Variants in HIVEP1 observed in about 807,000 individuals in gnomAD.
HIVEP1 encodes zinc finger protein 40.
In HIVEP1, 36 loss-of-function variants were observed where a neutral mutation model predicts 180.0. The ratio of observed to expected loss-of-function variants is 0.20; its 90% confidence interval spans 0.15 to 0.26. HIVEP1 has a LOEUF of 0.26. Among genes scored for constraint, HIVEP1 ranks in the 10% least tolerant of loss-of-function variants. The probability of loss-of-function intolerance (pLI) is 1.00; values close to 1 mark genes in which losing one functional copy is unlikely to be tolerated. For missense variants in HIVEP1, 3,143 were observed against 3,268.7 expected, an observed-to-expected ratio of 0.96 and a Z score of 0.94; for synonymous variants, 1,239 against 1,239.0, an observed-to-expected ratio of 1.00 and a Z score of 0.00.
chr6:12,036,839 C>T (rs1010305476), intron 2 of HIVEP1, among the ~76,000 whole-genome samples: 3 of 152,188 alleles, frequency 2.0e-5, no homozygotes, highest in East Asian at 1.9e-4. Context: ...ACCCGGGAGG[C>T]GGAGGCTGCA....
At chr6:12,192,967 T>C in the HIVEP1 span, among the ~76,000 whole-genome samples, 2 of 152,152 alleles carry the variant, frequency 1.3e-5, no homozygotes, top group Admixed American at 6.5e-5. Flanking sequence ...CATCTGCCAC[T>C]TAGAAGCTGT....
intron 7 of HIVEP1, 52 bp from the exon 8 acceptor site, chr6:12,161,387 C>G (rs541703041): frequency 1.3e-6 from 2 of 1,543,340 alleles, no homozygotes; most frequent in Non-Finnish European, 1.7e-6. Flanking sequence ...TAAAATAGCA[C>G]TTGTGCACTT....
chr6:12,048,520 T>C (rs1211314792), intron 2 of HIVEP1, among the ~76,000 whole-genome samples: 1 of 152,234 alleles, frequency 6.6e-6, no homozygotes, highest in Non-Finnish European at 1.5e-5. Flanking sequence ...TATTTTTTAG[T>C]AATCAAGATT....
In HIVEP1 at chr6:12,122,858, C is replaced by G. The variant is rs1382774807; in HGVS notation, c.3063C>G (p.Ile1021Met). Reference protein sequence around the residue: ...LHYRVAGSSGIWEQTPQIRKR... With the variant: ...LHYRVAGSSGMWEQTPQIRKR... ...ACAGAGTCGCTGGGTCCTCCGGCAT[C>G]TGGGAACAGACGCCCCAGATAAGAA... The change falls in exon 4 of 9, where the codon ATC (isoleucine) becomes ATG (methionine). Residue 1021 changes from isoleucine to methionine, a missense_variant. Ile to Met is a conservative substitution (Grantham distance 10, BLOSUM62 1). Around this residue, in one of 12 missense-constraint regions of HIVEP1, gnomAD observed 1,357 missense variants for 1,260.5 expected, o/e 1.08. Coordinates refer to ENST00000379388, the MANE Select transcript of HIVEP1 (RefSeq NM_002114.4). 5.0e-6 allele frequency: 8 copies of G among 1,614,134 alleles called. No individual in the cohort carries two copies. Among genetic ancestry groups the G allele is most frequent in the Non-Finnish European group, 6.8e-6 (8 of 1,180,026 alleles).
At chr6:12,136,961 T>C (rs938642561) in intron 7 of HIVEP1, among the ~76,000 whole-genome samples, 2 of 152,254 alleles carry the variant, frequency 1.3e-5, no homozygotes, top group Non-Finnish European at 2.9e-5. Context: ...TATATTTTTC[T>C]TAACATGTAT....
At chr6:12,183,993 A>G in the HIVEP1 span, among the ~76,000 whole-genome samples, 633 of 137,100 alleles carry the variant, frequency 4.6e-3, no homozygotes, top group African/African-American at 0.019. Flanking sequence ...AGATAGATAG[A>G]TAGATAGATA....
intron 2 of HIVEP1, among the ~76,000 whole-genome samples, chr6:12,076,157 C>T (rs9380756): frequency 0.69 from 104,340 of 151,970 alleles, 35,894 homozygotes; most frequent in East Asian, 0.8. Flanking sequence ...TAGAAATATG[C>T]TTCATTAAAG....
intron 7 of HIVEP1, among the ~76,000 whole-genome samples, chr6:12,137,675 A>C (rs555234869): frequency 6.6e-6 from 1 of 151,966 alleles, no homozygotes; most frequent in Admixed American, 6.6e-5. Flanking sequence ...GAGTTTTGCC[A>C]AGTGCTGTGT....
chr6:12,183,974 AAGATAGATAGAT>A, the HIVEP1 span, among the ~76,000 whole-genome samples: 683 of 134,870 alleles, frequency 5.1e-3, 5 homozygotes, highest in Middle Eastern at 0.011. Context: ...TCACATTGTA[AAGATAGATAGAT>A]AGATAGATAG....
intron 3 of HIVEP1, among the ~76,000 whole-genome samples, chr6:12,105,021 G>A (rs926339672): frequency 2.6e-5 from 4 of 152,070 alleles, no homozygotes; most frequent in African/African-American, 9.7e-5. Context: ...AATATATGAT[G>A]GACATTTTAT....
chr6:12,030,498 A>G (rs576491467), intron 2 of HIVEP1, among the ~76,000 whole-genome samples: 2 of 152,098 alleles, frequency 1.3e-5, no homozygotes, highest in East Asian at 3.9e-4. Context: ...GATACTTTTC[A>G]TTGAGCTATC....
At chr6:12,043,145 G>C (rs1281440238) in intron 2 of HIVEP1, among the ~76,000 whole-genome samples, 1 of 152,058 alleles carries the variant, frequency 6.6e-6, no homozygotes, top group Non-Finnish European at 1.5e-5. Flanking sequence ...AATTCCAAAA[G>C]GGTAAGTTTG....
chr6:12,082,802 C>T (rs1309870411), intron 2 of HIVEP1, among the ~76,000 whole-genome samples: 4 of 152,112 alleles, frequency 2.6e-5, no homozygotes, highest in Admixed American at 6.6e-5. Context: ...TGTTCATCTT[C>T]GAGTATCCTT....
chr6:12,149,253 G>A (rs1022386262), intron 7 of HIVEP1, among the ~76,000 whole-genome samples: 2 of 152,072 alleles, frequency 1.3e-5, no homozygotes, highest in Admixed American at 6.6e-5. Context: ...TGGAAAATGG[G>A]GTAAACCTTT....
chr6:12,064,859 A>G (rs1302595569), intron 2 of HIVEP1, among the ~76,000 whole-genome samples: 3 of 152,166 alleles, frequency 2.0e-5, no homozygotes, highest in Non-Finnish European at 4.4e-5. Flanking sequence ...CCGATTTCCC[A>G]GTGGGCCTTC....
the HIVEP1 span, among the ~76,000 whole-genome samples, chr6:12,187,833 G>A: frequency 4.7e-4 from 72 of 152,124 alleles, no homozygotes; most frequent in Non-Finnish European, 1.0e-3. Flanking sequence ...TGATCTGCCT[G>A]CCTTGGCTTC....
chr6:12,121,920 C>T lies in HIVEP1; in HGVS notation c.2125C>T (p.Pro709Ser). The T allele has an allele frequency of 6.2e-7, 1 of 1,614,152 alleles. No homozygotes were observed. Among genetic ancestry groups the T allele is most frequent in the East Asian group, 2.2e-5 (1 of 44,886 alleles). Residue 709 changes from proline (P) to serine (S), a missense_variant, in exon 4 of 9, where the codon CCC (proline) becomes TCC (serine). Transcript: ENST00000379388. The surrounding 1 kb of genome is among the most constrained non-coding windows in gnomAD (Gnocchi z 5.3). ...TEQDSGRSNG[P>S]SAALVTTSTP... ...ACAAGACTCTGGAAGGAGTAACGGACCCTCTGCAGCTCTTGTCACCACGTC... is the reference window on the plus strand; with the variant it reads ...ACAAGACTCTGGAAGGAGTAACGGATCCTCTGCAGCTCTTGTCACCACGTC...
chr6:12,101,159 G>C (rs1774089422), intron 3 of HIVEP1, among the ~76,000 whole-genome samples: 1 of 152,120 alleles, frequency 6.6e-6, no homozygotes, highest in South Asian at 2.1e-4. Context: ...TGCTAACCCA[G>C]CTATATCATA....
chr6:12,069,690 T>G (rs1771839071), intron 2 of HIVEP1, among the ~76,000 whole-genome samples: 1 of 151,700 alleles, frequency 6.6e-6, no homozygotes, highest in African/African-American at 2.4e-5. Context: ...ACCTGCACAT[T>G]GTGCACATGT....
Sources: gnomAD v4.1 joint callset for allele counts (sites outside exome capture counted in the v4.1 genomes callset) on GRCh38, gnomAD v4.1.1 for gene constraint, gnomAD v4.1.1 regional missense constraint, Gnocchi (gnomAD v3.1) non-coding constraint, MANE v1.5 for transcripts, NCBI Gene and HGNC (gene_info 2026-07-23, HGNC 2026-07-21) for gene names.